The following MAP2K4 variants were observed in gnomAD, a reference collection of about 807,000 sequenced individuals.
MAP2K4 encodes the protein dual specificity mitogen-activated protein kinase kinase 4.
In MAP2K4, 4 loss-of-function variants were observed where a neutral mutation model predicts 48.5. That is an observed-to-expected ratio of 0.08 (90% CI 0.04 to 0.19). The LOEUF is 0.19. MAP2K4 is among the 10% of genes least tolerant of loss of function. The pLI, the probability that MAP2K4 is intolerant of heterozygous loss-of-function variation, is 1.00. For synonymous variants in MAP2K4, 166 were observed against 173.1 expected (o/e 0.96, Z 0.32); for missense variants, 258 against 493.3 (o/e 0.52, Z 4.52).
rs547405441 is a variant in MAP2K4 at position 12,134,000 on chromosome 17, G to A, written c.1040+4713G>A. Among the ~76,000 whole-genome samples the A allele has an allele frequency of 7.9e-4, 120 of 152,348 alleles. 1 individual carries two copies. Among genetic ancestry groups the A allele is most frequent in the African/African-American group, 2.7e-3 (111 of 41,588 alleles). ...GCAAGACCTGTAAAGAAAAGCTCAA[G>A]CTTTGCTGAAATAACTTCTAACAAC... On this transcript the variant is annotated intron_variant, in intron 9 of 10. Coordinates refer to ENST00000353533, the MANE Select transcript of MAP2K4 (RefSeq NM_003010.4).
In MAP2K4 at chr17:12,060,541, A is replaced by G. The variant is rs548980877; in HGVS notation, c.218+5550A>G. Among the ~76,000 whole-genome samples the G allele has an allele frequency of 2.8e-4, 43 of 152,314 alleles. 1 individual carries two copies. The highest frequency in any genetic ancestry group is 1.0e-3 in the African/African-American group (42 of 41,576). On this transcript the variant is annotated intron_variant, in intron 2 of 10. Coordinates refer to ENST00000353533, the MANE Select transcript of MAP2K4 (RefSeq NM_003010.4). ...ATCTCTGGTGGATTTCTAAGTGTGAATACCTCTAATCTACATGAATTTGGA... is the reference window on the plus strand; with the variant it reads ...ATCTCTGGTGGATTTCTAAGTGTGAGTACCTCTAATCTACATGAATTTGGA...
intron 7 of MAP2K4, among the ~76,000 whole-genome samples, chr17:12,114,989 G>A (rs1972440254): frequency 6.6e-6 from 1 of 152,118 alleles, no homozygotes; most frequent in Non-Finnish European, 1.5e-5. Context: ...ATCTTTCAAA[G>A]CCTGTTATAG....
intron 1 of MAP2K4, among the ~76,000 whole-genome samples, chr17:12,021,836 G>A (rs1293206147): frequency 6.6e-6 from 1 of 152,128 alleles, no homozygotes. Context: ...GGACATTTGA[G>A]GCAGCTCTGC....
chr17:12,038,837 T>C (rs1278771283), intron 1 of MAP2K4, among the ~76,000 whole-genome samples: 1 of 152,194 alleles, frequency 6.6e-6, no homozygotes, highest in African/African-American at 2.4e-5. Flanking sequence ...GACCTTGGTC[T>C]GGTCACAGTT....
intron 1 of MAP2K4, among the ~76,000 whole-genome samples, chr17:12,040,692 T>C (rs1043609996): frequency 3.3e-5 from 5 of 152,170 alleles, no homozygotes; most frequent in African/African-American, 1.2e-4. Flanking sequence ...TACTTGGGAA[T>C]CAGATTGAGT....
chr17:12,057,159 A>G lies in MAP2K4; in HGVS notation c.218+2168A>G, dbSNP rs568417100. ...CAACAGTTTAAATAAAATTCCAAGA[A>G]ATGACAATTGGCTGTCGTAATTTTA... On this transcript the variant is annotated intron_variant, in intron 2 of 10. Coordinates refer to ENST00000353533, the MANE Select transcript of MAP2K4 (RefSeq NM_003010.4). 1.1e-3 allele frequency among the ~76,000 whole-genome samples: 163 copies of G among 152,268 alleles called. 1 individual carries two copies. Among genetic ancestry groups the G allele is most frequent in the African/African-American group, 3.9e-3 (160 of 41,558 alleles).
intron 1 of MAP2K4, among the ~76,000 whole-genome samples, chr17:12,039,289 G>A (rs1969701289): frequency 1.3e-5 from 2 of 152,194 alleles, no homozygotes; most frequent in South Asian, 4.1e-4. Flanking sequence ...TGTACAGACT[G>A]TCATAAGAAC....
chr17:12,092,918 C>G (rs28923192), intron 3 of MAP2K4, among the ~76,000 whole-genome samples: 1 of 151,990 alleles, frequency 6.6e-6, no homozygotes, highest in South Asian at 2.1e-4. Flanking sequence ...CCCAGCTACT[C>G]GGGAGGCTGA....
intron 1 of MAP2K4, among the ~76,000 whole-genome samples, chr17:12,041,867 G>T (rs879585058): frequency 1.3e-5 from 2 of 152,178 alleles, no homozygotes; most frequent in Non-Finnish European, 2.9e-5. Context: ...TGTTCTGTCT[G>T]ATTTCCAATG....
chr17:12,140,125 A>G (rs1400889463), intron 10 of MAP2K4, among the ~76,000 whole-genome samples: 1 of 152,194 alleles, frequency 6.6e-6, no homozygotes, highest in Non-Finnish European at 1.5e-5. Context: ...TATAAAAATT[A>G]CCCCCAAAGA....
intron 1 of MAP2K4, among the ~76,000 whole-genome samples, 153 bp from the exon 2 acceptor site, chr17:12,054,736 A>G (rs2013214): frequency 0.89 from 135,557 of 152,170 alleles, 62,469 homozygotes; most frequent in East Asian, 1. Flanking sequence ...TTCTTAGTTT[A>G]AGAAATTCCT....
intron 1 of MAP2K4, among the ~76,000 whole-genome samples, chr17:12,038,157 G>T (rs1360415934): frequency 1.3e-5 from 2 of 152,142 alleles, no homozygotes; most frequent in Admixed American, 1.3e-4. Context: ...GAGTAGAAAT[G>T]ATATGGAACG....
At chr17:12,031,387 T>G (rs990190051) in intron 1 of MAP2K4, among the ~76,000 whole-genome samples, 5 of 152,224 alleles carry the variant, frequency 3.3e-5, no homozygotes, top group Admixed American at 1.3e-4. Flanking sequence ...TTGAATTTGT[T>G]TAAACACAAA....
intron 3 of MAP2K4, chr17:12,095,307 G>A (rs1971698095): frequency 2.3e-6 from 1 of 440,102 alleles, no homozygotes; most frequent in East Asian, 4.8e-5. Context: ...GAACTTTGTT[G>A]CATAACTCCC....
intron 3 of MAP2K4, among the ~76,000 whole-genome samples, chr17:12,094,598 G>C (rs1567656816): frequency 6.6e-6 from 1 of 152,090 alleles, no homozygotes; most frequent in Non-Finnish European, 1.5e-5. Context: ...GAGAACAGAA[G>C]TTGTTTGCAT....
intron 3 of MAP2K4, among the ~76,000 whole-genome samples, chr17:12,089,591 C>T (rs1157282207): frequency 6.6e-6 from 1 of 152,178 alleles, no homozygotes; most frequent in Non-Finnish European, 1.5e-5. Context: ...CTTTGGAATA[C>T]TCTACCTATT....
intron 1 of MAP2K4, among the ~76,000 whole-genome samples, chr17:12,025,408 G>A (rs1310838526): frequency 6.6e-6 from 1 of 152,194 alleles, no homozygotes; most frequent in Non-Finnish European, 1.5e-5. Flanking sequence ...TTTGCCTGCT[G>A]TAGCTACTAA....
chr17:12,093,923 A>G (rs1322547728), intron 3 of MAP2K4, among the ~76,000 whole-genome samples: 4 of 152,230 alleles, frequency 2.6e-5, no homozygotes, highest in South Asian at 2.1e-4. Flanking sequence ...AAAAATTATT[A>G]CATCATGCTT....
chr17:12,063,656 C>T (rs968249950), intron 2 of MAP2K4, among the ~76,000 whole-genome samples: 21 of 151,960 alleles, frequency 1.4e-4, no homozygotes, highest in African/African-American at 5.1e-4. Flanking sequence ...AAAATTTCTG[C>T]TCATCAGAAG....
Sources: allele counts gnomAD v4.1 joint callset (sites outside exome capture counted in the v4.1 genomes callset), GRCh38; gene constraint gnomAD v4.1.1; transcripts MANE v1.5; gene names NCBI Gene and HGNC (gene_info 2026-07-23, HGNC 2026-07-21).